AGO2: variants seen among roughly 807,000 people sequenced by gnomAD.
AGO2 encodes argonaute RISC catalytic component 2.
In AGO2, 5 loss-of-function variants were observed where a neutral mutation model predicts 102.3. The ratio of observed to expected loss-of-function variants is 0.05; its 90% CI spans 0.03 to 0.10. The LOEUF is 0.10. AGO2 is among the 10% of genes least tolerant of loss of function. The pLI, the probability that AGO2 is intolerant of heterozygous loss-of-function variation, is 1.00. For synonymous variants in AGO2, 449 were observed against 473.1 expected (o/e 0.95, Z 0.66); for missense variants, 541 against 1,183.7 (o/e 0.46, Z 7.97).
At chr8:140,573,983 G>C (rs890262572) in intron 2 of AGO2, among the ~76,000 whole-genome samples, 1 of 152,212 alleles carries the variant, frequency 6.6e-6, no homozygotes, top group Non-Finnish European at 1.5e-5. Context: ...CCCACTTGCA[G>C]AGCCATGGTA....
upstream of AGO2, among the ~76,000 whole-genome samples, chr8:140,639,154 C>T (rs1588527036): frequency 1.3e-5 from 2 of 152,206 alleles, no homozygotes; most frequent in African/African-American, 4.8e-5. Context: ...AAGTGTGAGA[C>T]ACTATGCCCA....
At chr8:140,536,326 ATTTT>A (rs11327457) in intron 16 of AGO2, among the ~76,000 whole-genome samples, 3 of 139,130 alleles carry the variant, frequency 2.2e-5, no homozygotes, top group African/African-American at 8.2e-5. Context: ...CTTCTTTGCA[ATTTT>A]TTTTTTTTTT....
intron 1 of AGO2, among the ~76,000 whole-genome samples, chr8:140,631,206 G>A (rs1490662994): frequency 6.6e-6 from 1 of 152,174 alleles, no homozygotes; most frequent in Non-Finnish European, 1.5e-5. Context: ...AAGAAAAAAC[G>A]GAGGGGGAGG....
At chr8:140,555,529 C>CA in intron 10 of AGO2, 1 of 189,394 alleles carries the variant, frequency 5.3e-6, no homozygotes. Flanking sequence ...TTAGCAAGGA[C>CA]AAAAAACTGT....
At position 140,557,996 on chromosome 8, in the gene AGO2, T is replaced by G. The variant is rs2132934083; in HGVS notation, c.878+489A>C. Among the ~76,000 whole-genome samples, 1 of 152,278 alleles carries G rather than the reference T, an allele frequency of 6.6e-6. No homozygotes were observed. Among genetic ancestry groups the G allele is most frequent in the East Asian group, 1.9e-4 (1 of 5,180 alleles). On this transcript the variant is annotated intron_variant, in intron 7 of 18. Transcript: ENST00000220592. The surrounding 1 kb of genome is among the most constrained non-coding windows in gnomAD (Gnocchi z 5.9). ...CCCTACCGGCCTGGGAGACATTAACTGGGGCACAGGGGCCAAATCTATCAC... is the reference window on the plus strand; with the variant it reads ...CCCTACCGGCCTGGGAGACATTAACGGGGGCACAGGGGCCAAATCTATCAC...
chr8:140,549,399 A>G (rs1231668548), intron 11 of AGO2, 101 bp from the exon 12 acceptor site: 1 of 1,242,776 alleles, frequency 8.0e-7, no homozygotes, highest in Non-Finnish European at 1.1e-6. Flanking sequence ...ACAAAGCCCA[A>G]AGCACTTTCA....
intron 1 of AGO2, among the ~76,000 whole-genome samples, chr8:140,590,011 T>G (rs991978412): frequency 1.3e-5 from 2 of 152,218 alleles, no homozygotes; most frequent in African/African-American, 4.8e-5. Flanking sequence ...GGTCTCAGAA[T>G]GTGTGCTGGG....
Position 140,628,223 on chromosome 8 carries a change from C to T in AGO2, c.22+7262G>A, listed in dbSNP as rs73364327. On this transcript the variant is annotated intron_variant, in intron 1 of 18. Transcript: ENST00000220592. ...TGTGGGCAGGCCCCACCCCAGAGCT[C>T]GGCCCAGCCTGCCCTGACCCACTGC... Among the ~76,000 whole-genome samples, 1,183 of 152,342 alleles carry T rather than the reference C, an allele frequency of 7.8e-3. 23 individuals carry two copies. Among genetic ancestry groups the T allele is most frequent in the African/African-American group, 0.027 (1,109 of 41,588 alleles).
chr8:140,603,668 T>C (rs1200741348), intron 1 of AGO2, among the ~76,000 whole-genome samples: 2 of 152,222 alleles, frequency 1.3e-5, no homozygotes, highest in Non-Finnish European at 2.9e-5. Context: ...CATGCTGTCC[T>C]TGAGGCTCAT....
Position 140,540,911 on chromosome 8 carries a change from A to C in AGO2, c.2034+253T>G. 6.7e-6 allele frequency among the ~76,000 whole-genome samples: 1 copy of C among 150,082 alleles called. No homozygotes were observed. Among genetic ancestry groups the C allele is most frequent in the African/African-American group, 2.5e-5 (1 of 40,702 alleles). ...AGCGGAACTCAAGCGTCTCTCCCCC[A>C]TCTCTTGGTCCCCAGGCCCATACCC... On this transcript the variant is annotated intron_variant, in intron 15 of 18. Transcript: ENST00000220592. The surrounding 1 kb of genome is among the most constrained non-coding windows in gnomAD (Gnocchi z 5.0).
chr8:140,625,879 G>C (rs190559961), intron 1 of AGO2, among the ~76,000 whole-genome samples: 1 of 152,350 alleles, frequency 6.6e-6, no homozygotes, highest in East Asian at 1.9e-4. Context: ...TGTGATGAGT[G>C]AGCGTCTCAG....
chr8:140,549,807 A>T (rs972302186), intron 11 of AGO2, among the ~76,000 whole-genome samples: 3 of 152,230 alleles, frequency 2.0e-5, no homozygotes, highest in African/African-American at 7.2e-5. Context: ...CACGAGAGAA[A>T]ACAGCAGCCC....
chr8:140,549,306 A>C lies in AGO2; in HGVS notation c.1404-8T>G. On this transcript the variant is annotated splice_region_variant and splice_polypyrimidine_tract_variant and intron_variant, in intron 11 of 18. Coordinates refer to ENST00000220592, the MANE Select transcript of AGO2 (RefSeq NM_012154.5). The stretch of plus-strand genomic sequence containing the variant: ...AGCTGCTCTGTGAAGGACCTGCAGG[A>C]GAAGGCTCCGTTCACTACCGGGCAC... 6.3e-7 allele frequency: 1 copy of C among 1,584,594 alleles called. No individual in the cohort carries two copies. The highest frequency in any genetic ancestry group is 8.6e-7 in the Non-Finnish European group (1 of 1,158,878).
chr8:140,565,168 G>A (rs1185901982), intron 3 of AGO2, among the ~76,000 whole-genome samples: 12 of 132,334 alleles, frequency 9.1e-5, no homozygotes, highest in Non-Finnish European at 1.3e-4. Context: ...AGCCAGGCAC[G>A]GTGGCTCACA....
At chr8:140,575,671 A>G (rs557254075) in intron 2 of AGO2, among the ~76,000 whole-genome samples, 31 of 152,342 alleles carry the variant, frequency 2.0e-4, no homozygotes, top group South Asian at 6.2e-4. Context: ...GAAGAGTACT[A>G]AGAAATCATG....
Position 140,598,151 on chromosome 8 carries a change from C to A in AGO2, c.23-12840G>T, listed in dbSNP as rs546002314. 4.6e-5 allele frequency among the ~76,000 whole-genome samples: 7 copies of A among 152,342 alleles called. No individual in the cohort carries two copies. The South Asian group carries it at 1.4e-3, about 32-fold the overall frequency. ...CACACAGCAGCTCAGCCACTGCCGA[C>A]CTCGGGGTCAGGAAACAGACACCCA... On this transcript the variant is annotated intron_variant, in intron 1 of 18. Transcript: ENST00000220592.
intron 1 of AGO2, among the ~76,000 whole-genome samples, chr8:140,599,127 C>T (rs963230852): frequency 2.6e-5 from 4 of 152,308 alleles, no homozygotes; most frequent in Admixed American, 6.5e-5. Flanking sequence ...TGTTAAAATC[C>T]GGCAGGATGC....
chr8:140,547,581 C>T lies in AGO2; in HGVS notation c.1635G>A (p.Gln545=). 6.2e-7 allele frequency: 1 copy of T among 1,614,154 alleles called. No homozygotes were observed. The highest frequency in any genetic ancestry group is 8.5e-7 in the Non-Finnish European group (1 of 1,179,988). Reference sequence around the variant, plus strand: ...TCTGCACGTTCTTCATCTGCACGCACTGCGTGGCCATCCCCAGCACCGTGT... The same window carrying T: ...TCTGCACGTTCTTCATCTGCACGCATTGCGTGGCCATCCCCAGCACCGTGT... ...VGDTVLGMAT[Q]CVQMKNVQRT... The change falls in exon 13 of 19, where the codon CAG becomes CAA. Residue 545 remains glutamine, a synonymous_variant. Transcript: ENST00000220592.
intron 1 of AGO2, among the ~76,000 whole-genome samples, chr8:140,618,062 G>C (rs574850264): frequency 2.2e-4 from 33 of 152,128 alleles, no homozygotes; most frequent in Middle Eastern, 6.8e-3. Flanking sequence ...CCAGCACTTT[G>C]GGAGGCCTAG....
Sources: allele counts gnomAD v4.1 joint callset (sites outside exome capture counted in the v4.1 genomes callset), GRCh38; gene constraint gnomAD v4.1.1; non-coding constraint Gnocchi (gnomAD v3.1); transcripts MANE v1.5; gene names NCBI Gene and HGNC (gene_info 2026-07-23, HGNC 2026-07-21).